KIT: variants seen among roughly 807,000 people sequenced by gnomAD.
The protein encoded by KIT is mast/stem cell growth factor receptor Kit.
Under a neutral mutation model 105.7 loss-of-function variants are expected in KIT, and 16 were observed. That is an observed-to-expected ratio of 0.15 (90% CI 0.10 to 0.23). The LOEUF (loss-of-function observed/expected upper bound fraction) is 0.23, where lower values mean the gene tolerates loss of function less well. Among genes scored for constraint, KIT ranks in the 10% least tolerant of loss-of-function variants. The pLI is 1.00. For synonymous variants in KIT, 438 were observed against 441.1 expected, an observed-to-expected ratio of 0.99 and a Z score of 0.09; for missense variants, 858 against 1,213.8, an observed-to-expected ratio of 0.71 and a Z score of 4.36.
chr4:54,731,410 G>A lies in KIT; in HGVS notation c.2224G>A (p.Val742Met), dbSNP rs1303414810. ...AACCAAGGCCGACAAAAGGAGATCT[G>A]TGAGAATAGGTGAGTACCTACCTAT... The part of the protein sequence containing the change: ...VPTKADKRRS[V>M]RIGSYIERDV... The change falls in exon 15 of 21, where the codon GTG (valine) becomes ATG (methionine). Residue 742 changes from valine to methionine, a missense_variant. By Grantham distance (21) the Val-to-Met change is conservative. This residue lies in a region of KIT where 158 missense variants were observed against 218.7 expected (regional missense o/e 0.72). Coordinates refer to ENST00000288135, the MANE Select transcript of KIT (RefSeq NM_000222.3). 6.2e-7 allele frequency: 1 copy of A among 1,607,214 alleles called. No homozygotes were observed. The highest frequency in any genetic ancestry group is 1.3e-5 in the African/African-American group (1 of 74,728).
chr4:54,675,785 G>A (rs1358591731), intron 1 of KIT, among the ~76,000 whole-genome samples: 5 of 152,164 alleles, frequency 3.3e-5, no homozygotes, highest in Non-Finnish European at 7.3e-5. Flanking sequence ...ACAAATGGCA[G>A]CTCAGAGGAT....
chr4:54,704,035 G>C lies in KIT; in HGVS notation c.925+143G>C. 3 of 805,188 alleles carry C rather than the reference G, an allele frequency of 3.7e-6. No individual in the cohort carries two copies. In the South Asian group the frequency reaches 4.5e-5, roughly 12 times the overall value. 49.9% of individuals were successfully genotyped at this position (805,188 alleles called of 1,614,324 possible). Reference sequence around the variant, plus strand: ...TGAATGAATGAAAATTATCCTTGTAGCCTCTTGCAATGAAAGCACAAAACC... The same window carrying C: ...TGAATGAATGAAAATTATCCTTGTACCCTCTTGCAATGAAAGCACAAAACC... On this transcript the variant is annotated intron_variant, in intron 5 of 20. Transcript: ENST00000288135.
At chr4:54,701,405 C>A (rs1205682744) in intron 4 of KIT, among the ~76,000 whole-genome samples, 3 of 125,552 alleles carry the variant, frequency 2.4e-5, no homozygotes, top group Admixed American at 8.4e-5. Flanking sequence ...TTTATTCTGA[C>A]CCTTTGGAAT....
At chr4:54,710,111 C>A (rs141364418) in intron 7 of KIT, among the ~76,000 whole-genome samples, 1 of 152,314 alleles carries the variant, frequency 6.6e-6, no homozygotes, top group East Asian at 1.9e-4. Flanking sequence ...GCACCCAAGT[C>A]CTGCACTGCT....
intron 17 of KIT, among the ~76,000 whole-genome samples, chr4:54,734,493 ACTGT>A (rs1230849837): frequency 2.6e-5 from 4 of 152,200 alleles, no homozygotes; most frequent in Admixed American, 2.6e-4. Context: ...GTGGTTACAT[ACTGT>A]CTTGTTATTG....
chr4:54,662,722 G>A lies in KIT; in HGVS notation c.67+4641G>A, dbSNP rs374191836. Among the ~76,000 whole-genome samples the A allele has an allele frequency of 2.1e-4, 32 of 152,076 alleles. 1 individual carries two copies. The highest frequency in any genetic ancestry group is 6.3e-4 in the African/African-American group (26 of 41,496). On this transcript the variant is annotated intron_variant, in intron 1 of 20. Coordinates refer to ENST00000288135, the MANE Select transcript of KIT (RefSeq NM_000222.3). ...TGAGTAGCTGGGATTACAGGCACCC[G>A]CCACCATGCTCGGCTAATTTTTGTA...
Position 54,727,457 on chromosome 4 carries a change from A to G in KIT, c.1689A>G (p.Ile563Met), listed in dbSNP as rs1553891768. Reference sequence around the variant, plus strand: ...TACAGTGGAAGGTTGTTGAGGAGATAAATGGAAACAATTATGTTTACATAG... The same window carrying G: ...TACAGTGGAAGGTTGTTGAGGAGATGAATGGAAACAATTATGTTTACATAG... ...YEVQWKVVEE[I>M]NGNNYVYIDP... Residue 563 changes from isoleucine to methionine, a missense_variant, in exon 11 of 21, where the codon ATA (isoleucine) becomes ATG (methionine). This residue lies in a region of KIT where 78 missense variants were observed against 77.6 expected (regional missense o/e 1.01). Transcript: ENST00000288135. 7 of 1,614,000 alleles carry G rather than the reference A, an allele frequency of 4.3e-6. No homozygotes were observed. The East Asian group carries it at 1.6e-4, about 36-fold the overall frequency.
At chr4:54,733,019 T>A in intron 16 of KIT, 51 bp from the exon 17 acceptor site, 1 of 1,545,162 alleles carries the variant, frequency 6.5e-7, no homozygotes, top group Non-Finnish European at 8.9e-7. Flanking sequence ...TTTCACTCTT[T>A]ACAAGTTAAA....
rs1722644382 is a variant in KIT at position 54,732,070 on chromosome 4, T to G, written c.2361+72T>G. On this transcript the variant is annotated intron_variant, in intron 16 of 20. Coordinates refer to ENST00000288135, the MANE Select transcript of KIT (RefSeq NM_000222.3). ...ATTTTTTTTTTTTTTTTTTTTTTTT[T>G]GAGAACAGAGCATTTTAGAGCCATA... The G allele has an allele frequency of 3.4e-6, 4 of 1,180,286 alleles. No homozygotes were observed. The East Asian group carries it at 7.6e-5, about 22-fold the overall frequency. 73.1% of individuals were successfully genotyped at this position (1,180,286 alleles called of 1,614,324 possible). A position where few individuals can be genotyped will look rare whatever the true frequency, so the allele number is the denominator to read the frequency against.
Position 54,723,592 on chromosome 4 carries a change from G to C in KIT, c.1240G>C (p.Glu414Gln), listed in dbSNP as rs1722025262. 4 of 1,613,612 alleles carry C rather than the reference G, an allele frequency of 2.5e-6. No homozygotes were observed. The highest frequency in any genetic ancestry group is 2.5e-6 in the Non-Finnish European group (3 of 1,179,558). Reference protein sequence around the residue: ...AFNVYVNTKPEILTYDRLVNG... With the variant: ...AFNVYVNTKPQILTYDRLVNG... The stretch of plus-strand genomic sequence containing the variant: ...TTTCTGTTTTCCTGTAGCAAAACCA[G>C]AAATCCTGACTTACGACAGGCTCGT... Residue 414 changes from glutamate to glutamine, a missense_variant, in exon 8 of 21, where the codon GAA becomes CAA. Coordinates refer to ENST00000288135, the MANE Select transcript of KIT (RefSeq NM_000222.3).
At chr4:54,663,960 T>TGG (rs1261155200) in intron 1 of KIT, among the ~76,000 whole-genome samples, 1 of 152,256 alleles carries the variant, frequency 6.6e-6, no homozygotes, top group East Asian at 1.9e-4. Context: ...CGTTACAGGC[T>TGG]GGGGGTGGAG....
In KIT at chr4:54,657,984, C is replaced by T. The variant is rs748489564; in HGVS notation, c.-31C>T. The T allele has an allele frequency of 5.6e-6, 9 of 1,609,592 alleles. No homozygotes were observed. The highest frequency in any genetic ancestry group is 7.6e-6 in the Non-Finnish European group (9 of 1,176,688). The stretch of plus-strand genomic sequence containing the variant: ...ACTTGGGCGAGAGCTGGAACGTGGA[C>T]CAGAGCTCGGATCCCATCGCAGCTA... On this transcript the variant is annotated 5_prime_UTR_variant, in exon 1 of 21. Coordinates refer to ENST00000288135, the MANE Select transcript of KIT (RefSeq NM_000222.3).
In KIT at chr4:54,695,761, C is replaced by T. The variant is rs779652404; in HGVS notation, c.317C>T (p.Ser106Phe). Reference sequence around the variant, plus strand: ...ACCAACAAACACGGCTTAAGCAATTCCATTTATGTGTTTGTTAGAGGTAAA... The same window carrying T: ...ACCAACAAACACGGCTTAAGCAATTTCATTTATGTGTTTGTTAGAGGTAAA... ...TCTNKHGLSN[S>F]IYVFVRDPAK... The change falls in exon 2 of 21, where the codon TCC (serine) becomes TTC (phenylalanine). Residue 106 changes from serine (S) to phenylalanine (F), a missense_variant. Coordinates refer to ENST00000288135, the MANE Select transcript of KIT (RefSeq NM_000222.3). 5 of 1,614,218 alleles carry T rather than the reference C, an allele frequency of 3.1e-6. No individual in the cohort carries two copies. The South Asian group carries it at 5.5e-5, about 18-fold the overall frequency.
intron 1 of KIT, among the ~76,000 whole-genome samples, chr4:54,678,872 A>G (rs987228859): frequency 6.6e-6 from 1 of 152,234 alleles, no homozygotes; most frequent in African/African-American, 2.4e-5. Flanking sequence ...ACATTTTGCC[A>G]CATGTATTTT....
At chr4:54,736,884 G>T (rs1722952437) in intron 19 of KIT, 64 bp downstream of exon 19, 3 of 1,252,208 alleles carry the variant, frequency 2.4e-6, no homozygotes, top group South Asian at 2.4e-5. Context: ...TTTAGAGACA[G>T]AAACCCAGAT....
intron 7 of KIT, among the ~76,000 whole-genome samples, chr4:54,720,906 A>G (rs986846534): frequency 2.6e-5 from 4 of 152,170 alleles, no homozygotes; most frequent in Non-Finnish European, 5.9e-5. Context: ...TGGATTTCTT[A>G]TCTCATGGCC....
intron 1 of KIT, among the ~76,000 whole-genome samples, chr4:54,685,309 C>T (rs1318027580): frequency 6.6e-6 from 1 of 152,182 alleles, no homozygotes. Context: ...TTTGCTGCTG[C>T]CTGCTGGGCC....
At chr4:54,664,965 A>G (rs573998814) in intron 1 of KIT, among the ~76,000 whole-genome samples, 9 of 152,056 alleles carry the variant, frequency 5.9e-5, no homozygotes, top group Admixed American at 1.3e-4. Context: ...GTATATTTCA[A>G]TAGTGTTAAG....
chr4:54,712,155 A>C (rs573471098), intron 7 of KIT, among the ~76,000 whole-genome samples: 7 of 152,336 alleles, frequency 4.6e-5, no homozygotes, highest in African/African-American at 1.7e-4. Context: ...TTCTTTTCTA[A>C]GATTCCCAAT....
Sources: allele counts gnomAD v4.1 joint callset (sites outside exome capture counted in the v4.1 genomes callset), GRCh38; gene constraint gnomAD v4.1.1; regional missense constraint gnomAD v4.1.1; transcripts MANE v1.5; gene names NCBI Gene and HGNC (gene_info 2026-07-23, HGNC 2026-07-21).